The following SH3GL1 variants were observed in gnomAD, a reference collection of about 807,000 sequenced individuals.
The protein encoded by SH3GL1 is endophilin-A2.
A neutral mutation model predicts 48.8 loss-of-function variants in SH3GL1; 21 were observed. The observed-to-expected ratio is 0.43, with a 90% CI of 0.30 to 0.62. SH3GL1 has a LOEUF of 0.62. Ranked by LOEUF, SH3GL1 falls within the 20% of genes least tolerant of loss-of-function variation. The pLI, the probability that SH3GL1 is intolerant of heterozygous loss-of-function variation, is 0.11. For missense variants in SH3GL1, 454 were observed against 503.0 expected, an observed-to-expected ratio of 0.90 and a Z score of 0.93; for synonymous variants, 282 against 217.5, an observed-to-expected ratio of 1.30 and a Z score of -2.61.
chr19:4,383,763 C>A (rs1033343879), intron 1 of SH3GL1, among the ~76,000 whole-genome samples: 3 of 152,172 alleles, frequency 2.0e-5, no homozygotes, highest in African/African-American at 4.8e-5. Flanking sequence ...AAACATGGCG[C>A]TAAAAGCCTG....
Position 4,376,170 on chromosome 19 carries a change from T to A in SH3GL1, c.46-9176A>T, listed in dbSNP as rs1973005138. On this transcript the variant is annotated intron_variant, in intron 1 of 9. Coordinates refer to ENST00000269886, the MANE Select transcript of SH3GL1 (RefSeq NM_003025.4). The surrounding 1 kb of genome is among the most constrained non-coding windows in gnomAD (Gnocchi z 4.3). ...TTGCCCGAAAGCCCAGAGCCCTTCC[T>A]GAGACACAGAAACCATCTTCACCAT... Among the ~76,000 whole-genome samples the A allele has an allele frequency of 6.6e-6, 1 of 152,166 alleles. No homozygotes were observed. Among genetic ancestry groups the A allele is most frequent in the East Asian group, 1.9e-4 (1 of 5,188 alleles).
At chr19:4,394,208 G>A (rs192832395) in intron 1 of SH3GL1, among the ~76,000 whole-genome samples, 11 of 150,538 alleles carry the variant, frequency 7.3e-5, no homozygotes, top group Admixed American at 4.0e-4. Context: ...CACACAGCCC[G>A]GCCACAAGAT....
At chr19:4,364,866 T>TGTGTGTGTGTGTGTGTGTGTG (rs1972729372) in intron 4 of SH3GL1, among the ~76,000 whole-genome samples, 1 of 97,168 alleles carries the variant, frequency 1.0e-5, no homozygotes, top group African/African-American at 5.3e-5. Flanking sequence ...ACCCGGCTAA[T>TGTGTGTGTGTGTGTGTGTGTG]TGTGTGTGTG....
chr19:4,375,016 A>G (rs1005918897), intron 1 of SH3GL1, among the ~76,000 whole-genome samples: 1 of 152,072 alleles, frequency 6.6e-6, no homozygotes, highest in African/African-American at 2.4e-5. Flanking sequence ...TGGGGCTCCC[A>G]TCACCACTAC....
rs1972655053 is a variant in SH3GL1, at chr19:4,362,675, C to T, written c.790G>A (p.Asp264Asn). The change falls in exon 8 of 10, where the codon GAC (aspartate) becomes AAC (asparagine). Residue 264 changes from aspartate (D) to asparagine (N), a missense_variant. By Grantham distance (23) the Asp-to-Asn change is conservative. This residue lies in a region of SH3GL1 where 278 missense variants were observed against 246.8 expected (regional missense o/e 1.13). Transcript: ENST00000269886. ...EYKPKPREPFDLGEPEQSNGG... is the reference protein window; with the variant it reads ...EYKPKPREPFNLGEPEQSNGG... ...TTGGACTGCTCAGGCTCTCCAAGGT[C>T]AAAGGGCTCCCGGGGCTTGGGCTTA... The T allele has an allele frequency of 1.9e-6, 3 of 1,613,912 alleles. No individual in the cohort carries two copies. Among genetic ancestry groups the T allele is most frequent in the African/African-American group, 1.3e-5 (1 of 74,948 alleles).
intron 1 of SH3GL1, among the ~76,000 whole-genome samples, chr19:4,393,472 C>T (rs1973372943): frequency 6.6e-6 from 1 of 151,866 alleles, no homozygotes; most frequent in Non-Finnish European, 1.5e-5. Flanking sequence ...CATAGTGAGA[C>T]TCAGTCTCTA....
rs534834874 is a variant in SH3GL1, at chr19:4,381,742, G to C, written c.46-14748C>G. Among the ~76,000 whole-genome samples the C allele has an allele frequency of 3.1e-5, 4 of 131,058 alleles. No individual in the cohort carries two copies. The South Asian group carries it at 1.0e-3, about 34-fold the overall frequency. 86.0% of individuals were successfully genotyped at this position (131,058 alleles called of 152,430 possible). On this transcript the variant is annotated intron_variant, in intron 1 of 9. Transcript: ENST00000269886. ...AGAGTCTCGCTCTGTTGCCTAGCTG[G>C]AGTGCAGTGGCGCGATCTTGGCTCA... is the stretch of plus-strand genomic sequence containing the variant.
intron 1 of SH3GL1, among the ~76,000 whole-genome samples, chr19:4,391,206 C>T (rs1003063067): frequency 2.0e-5 from 3 of 152,160 alleles, no homozygotes; most frequent in African/African-American, 7.2e-5. Flanking sequence ...AGCGGCCACC[C>T]CTGGGTGGCC....
Position 4,391,802 on chromosome 19 carries a change from G to C in SH3GL1, c.45+8522C>G, listed in dbSNP as rs536042923. On this transcript the variant is annotated intron_variant, in intron 1 of 9. Transcript: ENST00000269886. The stretch of plus-strand genomic sequence containing the variant: ...AGTTCAGGCCTCCACACAGCTGCTG[G>C]TTCCACCCGTCTGCAAGCCAGAAAC... 3.3e-5 allele frequency among the ~76,000 whole-genome samples: 5 copies of C among 152,296 alleles called. No individual in the cohort carries two copies. The South Asian group carries it at 8.3e-4, about 25-fold the overall frequency.
At chr19:4,385,522 AG>A (rs1293369200) in intron 1 of SH3GL1, among the ~76,000 whole-genome samples, 7 of 152,252 alleles carry the variant, frequency 4.6e-5, no homozygotes, top group African/African-American at 1.7e-4. Flanking sequence ...GGCAGACCAA[AG>A]GTCTTTCTCC....
chr19:4,382,637 C>T (rs942474869), intron 1 of SH3GL1, among the ~76,000 whole-genome samples: 37 of 152,184 alleles, frequency 2.4e-4, no homozygotes, highest in South Asian at 6.2e-4. Context: ...CCCCCAGGTC[C>T]GTACCCTTTG....
At chr19:4,395,967 T>G (rs1343032559) in intron 1 of SH3GL1, 8 of 152,112 alleles carry the variant, frequency 5.3e-5, no homozygotes, top group Middle Eastern at 3.4e-3. Flanking sequence ...ACGGTGTACA[T>G]ATACACATAA....
intron 1 of SH3GL1, among the ~76,000 whole-genome samples, chr19:4,369,498 C>T (rs1459444524): frequency 2.6e-5 from 4 of 152,208 alleles, no homozygotes; most frequent in Admixed American, 2.6e-4. Context: ...CCGTCAGGGC[C>T]CTTCCCCAGC....
chr19:4,397,281 G>A (rs1973442964), intron 1 of SH3GL1, among the ~76,000 whole-genome samples: 1 of 152,174 alleles, frequency 6.6e-6, no homozygotes, highest in Non-Finnish European at 1.5e-5. Context: ...GGTGGGCTGT[G>A]GCCATTGTGC....
intron 1 of SH3GL1, among the ~76,000 whole-genome samples, chr19:4,385,495 G>C (rs1200653472): frequency 4.6e-5 from 7 of 152,224 alleles, no homozygotes; most frequent in Non-Finnish European, 1.0e-4. Context: ...CTGGGCTCCA[G>C]AAACGTGATT....
At chr19:4,373,011 T>C (rs780909694) in intron 1 of SH3GL1, among the ~76,000 whole-genome samples, 39 of 152,180 alleles carry the variant, frequency 2.6e-4, no homozygotes, top group Non-Finnish European at 3.4e-4. Context: ...GGTGGGGTTG[T>C]GGCCCCTGGG....
At chr19:4,364,450 T>C in intron 4 of SH3GL1, 1 of 556,460 alleles carries the variant, frequency 1.8e-6, no homozygotes, top group Non-Finnish European at 3.2e-6. Context: ...CCAACTTCTT[T>C]GAGATGAAGT....
At chr19:4,375,147 A>G (rs1383531369) in intron 1 of SH3GL1, among the ~76,000 whole-genome samples, 1 of 151,936 alleles carries the variant, frequency 6.6e-6, no homozygotes, top group African/African-American at 2.4e-5. Flanking sequence ...GAAAGCTGGG[A>G]CCTACTGTCT....
intron 1 of SH3GL1, among the ~76,000 whole-genome samples, chr19:4,399,480 GA>G (rs1175525098): frequency 6.6e-6 from 1 of 151,940 alleles, no homozygotes; most frequent in Admixed American, 6.6e-5. Context: ...AGGAAGGAAC[GA>G]AGGGAGGGAA....
Sources: allele counts gnomAD v4.1 joint callset (sites outside exome capture counted in the v4.1 genomes callset), GRCh38; gene constraint gnomAD v4.1.1; regional missense constraint gnomAD v4.1.1; non-coding constraint Gnocchi (gnomAD v3.1); transcripts MANE v1.5; gene names NCBI Gene and HGNC (gene_info 2026-07-23, HGNC 2026-07-21).